The following ADAMTS16 variants were observed in gnomAD, a reference collection of about 807,000 sequenced individuals.
ADAMTS16 encodes the protein ADAM metallopeptidase with thrombospondin type 1 motif 16.
A neutral mutation model predicts 145.8 loss-of-function variants in ADAMTS16; 94 were observed. That is an observed-to-expected ratio of 0.64 (90% confidence interval 0.55 to 0.77). ADAMTS16 has a LOEUF of 0.77. Among genes scored for constraint, ADAMTS16 ranks in the 30% least tolerant of loss-of-function variants. The probability of loss-of-function intolerance (pLI) is 0.00; values close to 1 mark genes in which losing one functional copy is unlikely to be tolerated. For synonymous variants in ADAMTS16, 659 were observed against 604.3 expected, an observed-to-expected ratio of 1.09 and a Z score of -1.33; for missense variants, 1,585 against 1,591.5, an observed-to-expected ratio of 1.00 and a Z score of 0.07.
At chr5:5,262,445 T>A (rs1313473051) in intron 17 of ADAMTS16, among the ~76,000 whole-genome samples, 1 of 152,238 alleles carries the variant, frequency 6.6e-6, no homozygotes, top group Non-Finnish European at 1.5e-5. Context: ...AGGGAAAATA[T>A]GTGCATCTTA....
chr5:5,241,241 G>A (rs1737282274), intron 16 of ADAMTS16, among the ~76,000 whole-genome samples: 1 of 152,144 alleles, frequency 6.6e-6, no homozygotes, highest in Non-Finnish European at 1.5e-5. Context: ...AACAGGTTAT[G>A]GTGAGTTTTC....
At chr5:5,160,503 G>C (rs1346918154) in intron 3 of ADAMTS16, among the ~76,000 whole-genome samples, 2 of 152,188 alleles carry the variant, frequency 1.3e-5, no homozygotes, top group Non-Finnish European at 1.5e-5. Flanking sequence ...TGAAGAACCA[G>C]AGCTACTTCG....
chr5:5,199,765 C>T (rs1313843761), intron 8 of ADAMTS16, among the ~76,000 whole-genome samples: 1 of 152,140 alleles, frequency 6.6e-6, no homozygotes, highest in Non-Finnish European at 1.5e-5. Flanking sequence ...AACGAACACC[C>T]ATGGAAACTC....
intron 18 of ADAMTS16, among the ~76,000 whole-genome samples, chr5:5,271,556 A>G (rs1738476438): frequency 6.6e-6 from 1 of 152,262 alleles, no homozygotes; most frequent in Admixed American, 6.5e-5. Context: ...TGGATGATAA[A>G]TCACACAAAT....
intron 12 of ADAMTS16, 126 bp from the exon 13 acceptor site, chr5:5,234,888 A>AAAATG (rs33928110): frequency 5.5e-6 from 2 of 364,236 alleles, no homozygotes; most frequent in Non-Finnish European, 8.2e-6. Flanking sequence ...AAAAAAAAAA[A>AAAATG]GAATCCACTT....
At chr5:5,164,633 C>G (rs143531424) in intron 3 of ADAMTS16, among the ~76,000 whole-genome samples, 20 of 152,274 alleles carry the variant, frequency 1.3e-4, no homozygotes, top group African/African-American at 4.3e-4. Context: ...TCACCGTGTC[C>G]TGGTCACCCT....
rs568595805 is a variant in ADAMTS16 at position 5,172,194 on chromosome 5, C to A, written c.502-9850C>A. Among the ~76,000 whole-genome samples the A allele has an allele frequency of 9.2e-5, 14 of 152,152 alleles. No individual in the cohort carries two copies. The South Asian group carries it at 2.7e-3, about 29-fold the overall frequency. Reference sequence around the variant, plus strand: ...CAATTTTGTTTAACTTTTCAAAAAACCAACTTTTCGTTTTATTGATCTTTT... The same window carrying A: ...CAATTTTGTTTAACTTTTCAAAAAAACAACTTTTCGTTTTATTGATCTTTT... On this transcript the variant is annotated intron_variant, in intron 3 of 22. Transcript: ENST00000274181.
intron 18 of ADAMTS16, among the ~76,000 whole-genome samples, chr5:5,298,094 G>T (rs1338347804): frequency 1.3e-5 from 2 of 152,324 alleles, no homozygotes; most frequent in African/African-American, 4.8e-5. Flanking sequence ...ACAGCCCAAG[G>T]GTCCTGCCCT....
At chr5:5,227,139 G>T (rs1579324591) in intron 11 of ADAMTS16, among the ~76,000 whole-genome samples, 1 of 152,296 alleles carries the variant, frequency 6.6e-6, no homozygotes, top group Admixed American at 6.5e-5. Flanking sequence ...AGAGCACATG[G>T]GTGCCTTCCC....
intron 10 of ADAMTS16, among the ~76,000 whole-genome samples, chr5:5,222,125 T>A (rs1402198535): frequency 1.3e-5 from 2 of 152,194 alleles, no homozygotes; most frequent in Admixed American, 1.3e-4. Context: ...CTTTTATAGT[T>A]TACAAATCTT....
intron 18 of ADAMTS16, among the ~76,000 whole-genome samples, chr5:5,270,462 A>T (rs919500323): frequency 6.6e-6 from 1 of 152,168 alleles, no homozygotes; most frequent in Non-Finnish European, 1.5e-5. Flanking sequence ...TAAGGTGAGG[A>T]TTCCACGTAA....
At chr5:5,237,236 CAGA>C (rs1180068921) in intron 14 of ADAMTS16, 137 bp downstream of exon 14, 55 of 839,046 alleles carry the variant, frequency 6.6e-5, no homozygotes, top group Middle Eastern at 5.2e-4. Context: ...GGGAGAAAGC[CAGA>C]AGAACACATT....
chr5:5,163,257 C>T (rs1054778527), intron 3 of ADAMTS16, among the ~76,000 whole-genome samples: 2 of 152,032 alleles, frequency 1.3e-5, no homozygotes, highest in Non-Finnish European at 2.9e-5. Context: ...TTTTAGAAAC[C>T]TTTTGTTTTG....
intron 9 of ADAMTS16, among the ~76,000 whole-genome samples, chr5:5,208,405 T>C (rs1401032773): frequency 6.6e-6 from 1 of 152,252 alleles, no homozygotes. Flanking sequence ...TAAATACACT[T>C]TCCCAAATGC....
At chr5:5,158,757 G>A (rs1734666062) in intron 3 of ADAMTS16, among the ~76,000 whole-genome samples, 1 of 152,204 alleles carries the variant, frequency 6.6e-6, no homozygotes, top group Non-Finnish European at 1.5e-5. Flanking sequence ...TTTATATGAA[G>A]TACAACTCAA....
intron 12 of ADAMTS16, among the ~76,000 whole-genome samples, chr5:5,233,019 A>G (rs192643852): frequency 8.1e-6 from 1 of 123,408 alleles, no homozygotes; most frequent in Admixed American, 1.0e-4. Context: ...TAAGATGCTT[A>G]TAACTACCTG....
At chr5:5,271,786 T>G (rs572119638) in intron 18 of ADAMTS16, among the ~76,000 whole-genome samples, 1 of 152,256 alleles carries the variant, frequency 6.6e-6, no homozygotes, top group East Asian at 1.9e-4. Flanking sequence ...TAACGCCGAG[T>G]AAGAGTCTGG....
chr5:5,286,892 A>T (rs1579381516), intron 18 of ADAMTS16, among the ~76,000 whole-genome samples: 2 of 143,966 alleles, frequency 1.4e-5, no homozygotes, highest in East Asian at 2.1e-4. Flanking sequence ...AAGAGTTTTT[A>T]TAACCCTTTA....
chr5:5,238,833 C>CTAAG (rs1433140221), intron 14 of ADAMTS16, among the ~76,000 whole-genome samples: 2 of 152,306 alleles, frequency 1.3e-5, no homozygotes, highest in East Asian at 3.9e-4. Context: ...TGTCATTGTA[C>CTAAG]TAAGCCCTTT....
Sources: allele counts gnomAD v4.1 joint callset (sites outside exome capture counted in the v4.1 genomes callset), GRCh38; gene constraint gnomAD v4.1.1; transcripts MANE v1.5; gene names NCBI Gene and HGNC (gene_info 2026-07-23, HGNC 2026-07-21).